CMAS: variants seen among roughly 807,000 people sequenced by gnomAD.
The protein encoded by CMAS is N-acylneuraminate cytidylyltransferase.
Under a neutral mutation model 53.4 loss-of-function variants are expected in CMAS, and 21 were observed. That is an observed-to-expected ratio of 0.39 (90% CI 0.28 to 0.57). CMAS has a LOEUF of 0.57. CMAS is among the 20% of genes least tolerant of loss of function. The pLI is 0.56. For synonymous variants in CMAS, 189 were observed against 195.2 expected (o/e 0.97, Z 0.27); for missense variants, 384 against 534.9 (o/e 0.72, Z 2.78).
intron 7 of CMAS, chr12:22,063,644 T>C (rs1408221218): frequency 6.6e-6 from 1 of 151,346 alleles, no homozygotes; most frequent in East Asian, 1.9e-4. Flanking sequence ...CAAATAGTGA[T>C]AATTAGGATG....
chr12:22,063,942 AAT>A (rs1950326471), intron 7 of CMAS: 1 of 152,022 alleles, frequency 6.6e-6, no homozygotes, highest in South Asian at 2.1e-4. Flanking sequence ...AAAAAAAAAA[AAT>A]AATAACTCAC....
chr12:22,060,361 G>A (rs1171424617), intron 4 of CMAS, among the ~76,000 whole-genome samples: 28 of 46,982 alleles, frequency 6.0e-4, no homozygotes, highest in East Asian at 2.2e-3. Flanking sequence ...AAAAAAAAAA[G>A]CTGGGCGTGG....
intron 4 of CMAS, among the ~76,000 whole-genome samples, chr12:22,060,332 TTAAAAAAA>T: frequency 3.6e-5 from 1 of 27,682 alleles, no homozygotes; most frequent in Non-Finnish European, 5.4e-5. Context: ...AGCTTTCTCC[TTAAAAAAA>T]AAAAAAAAAA....
chr12:22,052,767 C>T (rs995049543), intron 1 of CMAS, among the ~76,000 whole-genome samples: 2 of 152,152 alleles, frequency 1.3e-5, no homozygotes, highest in African/African-American at 4.8e-5. Flanking sequence ...TGCGTTCGCC[C>T]TGCATAGAGT....
intron 6 of CMAS, among the ~76,000 whole-genome samples, 153 bp downstream of exon 6, chr12:22,061,605 GT>G (rs1950308853): frequency 6.6e-6 from 1 of 152,146 alleles, no homozygotes; most frequent in South Asian, 2.1e-4. Flanking sequence ...ATACTATTTA[GT>G]TTTAGATGAG....
In CMAS at chr12:22,046,280, C is replaced by G; in HGVS notation, c.-24C>G. The G allele has an allele frequency of 7.0e-7, 1 of 1,429,436 alleles. No individual in the cohort carries two copies. Among genetic ancestry groups the G allele is most frequent in the South Asian group, 1.5e-5 (1 of 67,206 alleles). 88.5% of individuals were successfully genotyped at this position (1,429,436 alleles called of 1,614,324 possible). A position where few individuals can be genotyped will look rare whatever the true frequency, so the allele number is the denominator to read the frequency against. ...GGACTAGCTCCCGGATGTGGAGAAG[C>G]TGGGGAGAAGGCGTGGGAGGAAGAT... On this transcript the variant is annotated 5_prime_UTR_variant, in exon 1 of 8. Coordinates refer to ENST00000229329, the MANE Select transcript of CMAS (RefSeq NM_018686.6).
At chr12:22,054,439 C>T (rs1275471934) in intron 1 of CMAS, among the ~76,000 whole-genome samples, 2 of 152,084 alleles carry the variant, frequency 1.3e-5, no homozygotes, top group East Asian at 1.9e-4. Flanking sequence ...AAGTCATGTT[C>T]TTCATGTTTG....
intron 7 of CMAS, 83 bp from the exon 8 acceptor site, chr12:22,065,038 C>T: frequency 8.9e-7 from 1 of 1,126,840 alleles, no homozygotes; most frequent in Non-Finnish European, 1.3e-6. Context: ...GCCAGAGTTA[C>T]CTGTTGGTTG....
intron 7 of CMAS, among the ~76,000 whole-genome samples, chr12:22,062,836 T>C (rs568104668): frequency 6.6e-6 from 1 of 152,300 alleles, no homozygotes; most frequent in South Asian, 2.1e-4. Context: ...CTGAATAGTT[T>C]TTGCTGCTAA....
chr12:22,059,552 C>T (rs538165765), intron 4 of CMAS, among the ~76,000 whole-genome samples: 4 of 151,788 alleles, frequency 2.6e-5, no homozygotes, highest in Non-Finnish European at 5.9e-5. Context: ...CAAGAAATAG[C>T]GGTTTTAAAG....
intron 1 of CMAS, 99 bp downstream of exon 1, chr12:22,046,662 GA>G: frequency 7.6e-7 from 1 of 1,316,734 alleles, no homozygotes; most frequent in Non-Finnish European, 1.0e-6. Flanking sequence ...ACCGCTCTTG[GA>G]AGGGGGCCAT....
chr12:22,053,833 C>T (rs1327976805), intron 1 of CMAS, among the ~76,000 whole-genome samples: 4 of 148,236 alleles, frequency 2.7e-5, no homozygotes, highest in Non-Finnish European at 6.0e-5. Flanking sequence ...GAGCCGAGAT[C>T]GCGCCACTGC....
intron 1 of CMAS, among the ~76,000 whole-genome samples, chr12:22,050,607 C>G (rs1950235071): frequency 6.6e-6 from 1 of 152,144 alleles, no homozygotes; most frequent in Non-Finnish European, 1.5e-5. Flanking sequence ...CAGTGGCCAG[C>G]AGACTTTTTC....
intron 7 of CMAS, 61 bp from the exon 8 acceptor site, chr12:22,065,060 A>C (rs572730505): frequency 6.4e-6 from 9 of 1,404,872 alleles, no homozygotes; most frequent in Middle Eastern, 1.9e-4. Flanking sequence ...TGTCTGCATT[A>C]TTTAGCTAGA....
At chr12:22,056,192 T>C (rs1480926938) in intron 3 of CMAS, among the ~76,000 whole-genome samples, 2 of 152,224 alleles carry the variant, frequency 1.3e-5, no homozygotes, top group Non-Finnish European at 2.9e-5. Flanking sequence ...TTTTCCATTT[T>C]TTTATCCATT....
chr12:22,053,402 T>C (rs1950248003), intron 1 of CMAS, among the ~76,000 whole-genome samples: 1 of 147,102 alleles, frequency 6.8e-6, no homozygotes, highest in African/African-American at 2.7e-5. Context: ...CACACACACA[T>C]ATACACATTA....
At chr12:22,052,072 C>T (rs1950241507) in intron 1 of CMAS, among the ~76,000 whole-genome samples, 1 of 152,190 alleles carries the variant, frequency 6.6e-6, no homozygotes, top group Non-Finnish European at 1.5e-5. Context: ...TAATCCCTTA[C>T]TGTTTCATTC....
In CMAS at chr12:22,065,271, G is replaced by A; in HGVS notation, c.1265G>A (p.Cys422Tyr). Residue 422 changes from cysteine (C) to tyrosine (Y), a missense_variant, in exon 8 of 8, where the codon TGC (cysteine) becomes TAC (tyrosine). By Grantham distance (194) the Cys-to-Tyr change is radical. Transcript: ENST00000229329. Reference protein sequence around the residue: ...GAIREFAEHICLLMEKVNNSC... With the variant: ...GAIREFAEHIYLLMEKVNNSC... ...ATCCGAGAATTTGCAGAGCACATTT[G>A]CCTACTAATGGAAAAGGTTAATAAT... The A allele has an allele frequency of 6.2e-7, 1 of 1,613,832 alleles. No homozygotes were observed. Among genetic ancestry groups the A allele is most frequent in the Admixed American group, 1.7e-5 (1 of 59,974 alleles).
At chr12:22,051,165 C>G (rs1027158925) in intron 1 of CMAS, among the ~76,000 whole-genome samples, 2 of 152,136 alleles carry the variant, frequency 1.3e-5, no homozygotes, top group Admixed American at 1.3e-4. Flanking sequence ...AGGTTGCTAA[C>G]TTTGCATACT....
Sources: gnomAD v4.1 joint callset for allele counts (sites outside exome capture counted in the v4.1 genomes callset) on GRCh38, gnomAD v4.1.1 for gene constraint, MANE v1.5 for transcripts, NCBI Gene and HGNC (gene_info 2026-07-23, HGNC 2026-07-21) for gene names.